Variants in SORCS1 observed in about 807,000 individuals in gnomAD.
SORCS1 encodes the protein VPS10 domain-containing receptor SorCS1.
SORCS1 carries 60 observed loss-of-function variants against 146.1 expected under a neutral mutation model. The ratio of observed to expected loss-of-function variants is 0.41; its 90% CI spans 0.33 to 0.51. SORCS1 has a LOEUF of 0.51. Among genes scored for constraint, SORCS1 ranks in the 20% least tolerant of loss-of-function variants. SORCS1 has a pLI of 0.21. For synonymous variants in SORCS1, 637 were observed against 584.0 expected, an observed-to-expected ratio of 1.09 and a Z score of -1.31; for missense variants, 1,352 against 1,487.6, an observed-to-expected ratio of 0.91 and a Z score of 1.50.
At chr10:106,652,255 TA>T in intron 18 of SORCS1, 126 bp downstream of exon 18, 1 of 985,978 alleles carries the variant, frequency 1.0e-6, no homozygotes, top group Non-Finnish European at 1.4e-6. Flanking sequence ...GAACTAAAAG[TA>T]AAATAAAAAT....
At chr10:106,646,392 T>C (rs1461205065) in intron 18 of SORCS1, among the ~76,000 whole-genome samples, 1 of 152,190 alleles carries the variant, frequency 6.6e-6, no homozygotes, top group Non-Finnish European at 1.5e-5. Context: ...TCTTCTGTGC[T>C]TTCTTTTAGA....
chr10:106,733,107 C>CAAAAAAAAAAAAAAA (rs1350500252), intron 5 of SORCS1, among the ~76,000 whole-genome samples: 7 of 111,214 alleles, frequency 6.3e-5, no homozygotes, highest in African/African-American at 1.4e-4. Context: ...TACTCCATTT[C>CAAAAAAAAAAAAAAA]AAAAAAAAGA....
intron 24 of SORCS1, among the ~76,000 whole-genome samples, chr10:106,589,783 G>C (rs1001458560): frequency 6.6e-6 from 1 of 150,776 alleles, no homozygotes; most frequent in African/African-American, 2.4e-5. Context: ...CTTGCCACTT[G>C]AGTTGTAAAC....
At chr10:106,821,183 C>A (rs1431537727) in intron 3 of SORCS1, among the ~76,000 whole-genome samples, 1 of 152,156 alleles carries the variant, frequency 6.6e-6, no homozygotes, top group African/African-American at 2.4e-5. Flanking sequence ...AAGAACCACT[C>A]AGTGATATAA....
At chr10:107,169,283 C>A (rs1423697762), upstream of SORCS1, among the ~76,000 whole-genome samples, 2 of 152,154 alleles carry the variant, frequency 1.3e-5, no homozygotes, top group African/African-American at 4.8e-5. Flanking sequence ...CATTTCAGAT[C>A]AATTTCATGA....
rs12359110 is a variant in SORCS1 at position 106,714,127 on chromosome 10, C to T, written c.1025-4786G>A. Among the ~76,000 whole-genome samples, 112 of 98,156 alleles carry T rather than the reference C, an allele frequency of 1.1e-3. 1 individual carries two copies. Among genetic ancestry groups the T allele is most frequent in the African/African-American group, 4.7e-3 (107 of 22,798 alleles). The allele number at this position is 98,156 out of a possible 152,430, so 64.4% of individuals were successfully genotyped here. A position where few individuals can be genotyped will look rare whatever the true frequency, so the allele number is the denominator to read the frequency against. ...CTCCAGCCTGGCAACAACAGTGAAACTCTGCCTCAAAAAAAAAAAAAAAAA... is the reference window on the plus strand; with the variant it reads ...CTCCAGCCTGGCAACAACAGTGAAATTCTGCCTCAAAAAAAAAAAAAAAAA... On this transcript the variant is annotated intron_variant, in intron 6 of 25. Transcript: ENST00000263054.
At chr10:106,920,396 AGAG>A (rs1365581133) in intron 2 of SORCS1, among the ~76,000 whole-genome samples, 3 of 152,222 alleles carry the variant, frequency 2.0e-5, no homozygotes, top group African/African-American at 7.2e-5. Context: ...AGATAGTCCC[AGAG>A]TCACTTTAAA....
intron 24 of SORCS1, 39 bp downstream of exon 24, chr10:106,597,312 C>A (rs1303885922): frequency 6.4e-7 from 1 of 1,560,084 alleles, no homozygotes; most frequent in Admixed American, 1.7e-5. Flanking sequence ...TTCCCTTTGC[C>A]AGAGCCACCA....
chr10:106,827,206 C>CTTTT (rs71025560), intron 3 of SORCS1, among the ~76,000 whole-genome samples: 3 of 135,904 alleles, frequency 2.2e-5, no homozygotes, highest in African/African-American at 5.4e-5. Context: ...TATTTGGCAT[C>CTTTT]TTTTTTTTTT....
intron 19 of SORCS1, among the ~76,000 whole-genome samples, chr10:106,622,289 G>GAAAAAAAAAAAAAAA (rs554464573): frequency 2.6e-5 from 1 of 39,040 alleles, no homozygotes; most frequent in Non-Finnish European, 5.1e-5. Flanking sequence ...ATTCCATCTC[G>GAAAAAAAAAAAAAAA]AAAAAAAAAA....
chr10:107,012,496 A>G (rs1017086528), intron 1 of SORCS1, among the ~76,000 whole-genome samples: 3 of 152,208 alleles, frequency 2.0e-5, no homozygotes, highest in African/African-American at 7.2e-5. Flanking sequence ...CACTTTTTAT[A>G]TATTAACTTT....
chr10:106,660,243 T>C (rs1850623219), intron 17 of SORCS1, among the ~76,000 whole-genome samples: 1 of 152,216 alleles, frequency 6.6e-6, no homozygotes, highest in African/African-American at 2.4e-5. Context: ...TTATGGCTTA[T>C]GTAGAGAGGA....
chr10:106,899,697 G>A (rs765024968), intron 2 of SORCS1, among the ~76,000 whole-genome samples: 8 of 145,896 alleles, frequency 5.5e-5, no homozygotes, highest in Non-Finnish European at 1.2e-4. Flanking sequence ...AATGTCCCTC[G>A]AAGATCTTTC....
Position 107,139,601 on chromosome 10 carries a change from T to TA in SORCS1, c.558+24367dup, listed in dbSNP as rs375467254. On this transcript the variant is annotated intron_variant, in intron 1 of 25. Transcript: ENST00000263054. ...AAAGGTATAGTCAGGCCCTGACACA[T>TA]ATACACAATCAGTAGAGATTGGTGA... is the stretch of plus-strand genomic sequence containing the variant. 3.9e-3 allele frequency among the ~76,000 whole-genome samples: 595 copies of TA among 152,282 alleles called. 3 individuals carry two copies. The highest frequency in any genetic ancestry group is 0.014 in the African/African-American group (571 of 41,554).
chr10:106,647,435 G>A (rs1024071767), intron 18 of SORCS1, among the ~76,000 whole-genome samples: 1 of 120,224 alleles, frequency 8.3e-6, no homozygotes, highest in Non-Finnish European at 1.9e-5. Flanking sequence ...CTTGTGTAGA[G>A]GATTTATATG....
intron 2 of SORCS1, among the ~76,000 whole-genome samples, chr10:106,953,650 A>G (rs777383862): frequency 3.3e-5 from 5 of 152,204 alleles, no homozygotes; most frequent in African/African-American, 4.8e-5. Context: ...GGTATAGCAT[A>G]CTACTTATGT....
intron 1 of SORCS1, among the ~76,000 whole-genome samples, chr10:107,123,673 T>C (rs953281346): frequency 3.3e-5 from 5 of 152,160 alleles, no homozygotes; most frequent in Non-Finnish European, 7.3e-5. Flanking sequence ...GTGTTTAAAT[T>C]TGCAGGCCCT....
intron 1 of SORCS1, among the ~76,000 whole-genome samples, chr10:107,071,925 T>C (rs1304400829): frequency 6.6e-6 from 1 of 152,100 alleles, no homozygotes; most frequent in African/African-American, 2.4e-5. Flanking sequence ...AGGTTGGCAA[T>C]ATGAAAACTC....
upstream of SORCS1, among the ~76,000 whole-genome samples, chr10:107,166,948 C>G (rs1026041782): frequency 1.3e-5 from 2 of 152,196 alleles, no homozygotes; most frequent in Admixed American, 6.5e-5. Context: ...GAAGAATGCT[C>G]GTACAAGTAG....
Sources: gnomAD v4.1 joint callset for allele counts (sites outside exome capture counted in the v4.1 genomes callset) on GRCh38, gnomAD v4.1.1 for gene constraint, MANE v1.5 for transcripts, NCBI Gene and HGNC (gene_info 2026-07-23, HGNC 2026-07-21) for gene names.